Variants in IFNAR2 observed in about 807,000 individuals in gnomAD.
IFNAR2 encodes the protein interferon alpha/beta receptor 2.
Under a neutral mutation model 49.4 loss-of-function variants are expected in IFNAR2, and 30 were observed. The observed-to-expected ratio is 0.61, with a 90% CI of 0.45 to 0.82. The LOEUF (loss-of-function observed/expected upper bound fraction) is 0.82. Ranked by LOEUF, IFNAR2 falls within the 40% of genes least tolerant of loss-of-function variation. The pLI, the probability that IFNAR2 is intolerant of heterozygous loss-of-function variation, is 0.00. For missense variants in IFNAR2, 600 were observed against 622.7 expected, an observed-to-expected ratio of 0.96 and a Z score of 0.39; for synonymous variants, 224 against 234.5, an observed-to-expected ratio of 0.96 and a Z score of 0.41.
Position 33,230,212 on chromosome 21 carries a change from C to T in IFNAR2, c.-88C>T, listed in dbSNP as rs1306310985. On this transcript the variant is annotated 5_prime_UTR_variant, in exon 1 of 9. Transcript: ENST00000342136. The surrounding 1 kb of genome is among the most constrained non-coding windows in gnomAD (Gnocchi z 5.5). ...CTCGGGAGCCGCAAGGCGAGAGCTGCAAAGGTAACGCAGCGTGGCGGGGTC... is the reference window on the plus strand; with the variant it reads ...CTCGGGAGCCGCAAGGCGAGAGCTGTAAAGGTAACGCAGCGTGGCGGGGTC... 9.4e-7 allele frequency: 1 copy of T among 1,066,358 alleles called. No individual in the cohort carries two copies. Among genetic ancestry groups the T allele is most frequent in the Non-Finnish European group, 1.1e-6 (1 of 875,640 alleles). The allele number at this position is 1,066,358 out of a possible 1,614,324, so 66.1% of individuals were successfully genotyped here.
At position 33,242,728 on chromosome 21, in the gene IFNAR2, CAAAA is replaced by C. The variant is rs1182507309; in HGVS notation, c.55+768_55+771del. The stretch of plus-strand genomic sequence containing the variant: ...AGCCTGACAGAGCAAGACTCTGTCT[CAAAA>C]AAAAAAAAAAAAAAAATCTCGTGTG... On this transcript the variant is annotated intron_variant, in intron 2 of 8. Coordinates refer to ENST00000342136, the MANE Select transcript of IFNAR2 (RefSeq NM_001289125.3). Among the ~76,000 whole-genome samples the C allele has an allele frequency of 8.2e-4, 40 of 48,586 alleles. 6 individuals are homozygous for C. The East Asian group carries it at 0.016, about 20-fold the overall frequency. 31.9% of individuals were successfully genotyped at this position (48,586 alleles called of 152,430 possible). A position where few individuals can be genotyped will look rare whatever the true frequency, so the allele number is the denominator to read the frequency against.
At chr21:33,251,899 A>G (rs1299663616) in intron 6 of IFNAR2, 2 of 294,984 alleles carry the variant, frequency 6.8e-6, no homozygotes, top group Admixed American at 6.5e-5. Flanking sequence ...CGTGGCCAAC[A>G]TGGTGAAACC....
intron 7 of IFNAR2, among the ~76,000 whole-genome samples, chr21:33,255,404 T>A (rs1406715487): frequency 1.3e-5 from 2 of 152,226 alleles, no homozygotes; most frequent in African/African-American, 4.8e-5. Flanking sequence ...CTGACTTGGC[T>A]ACAAATTCAG....
At chr21:33,253,730 G>A (rs1988024454) in intron 7 of IFNAR2, among the ~76,000 whole-genome samples, 1 of 152,162 alleles carries the variant, frequency 6.6e-6, no homozygotes, top group Non-Finnish European at 1.5e-5. Flanking sequence ...AACAAGGGGT[G>A]GATTATTCAT....
chr21:33,248,955 C>T (rs1472567831), intron 6 of IFNAR2, 101 bp downstream of exon 6: 8 of 857,348 alleles, frequency 9.3e-6, no homozygotes, highest in Non-Finnish European at 1.5e-5. Flanking sequence ...ACAATTAAAG[C>T]TAAAACGTCA....
intron 7 of IFNAR2, 42 bp downstream of exon 7, chr21:33,252,872 T>A (rs371308431): frequency 2.7e-6 from 4 of 1,455,064 alleles, no homozygotes; most frequent in Non-Finnish European, 3.9e-6. Flanking sequence ...GTATTCATGC[T>A]TTTACTCTGA....
chr21:33,247,540 A>G (rs931634220), intron 5 of IFNAR2, among the ~76,000 whole-genome samples: 1 of 151,916 alleles, frequency 6.6e-6, no homozygotes, highest in African/African-American at 2.4e-5. Context: ...ATGAGCCACC[A>G]CACCTGGCCC....
chr21:33,231,146 G>A (rs1288919025), intron 1 of IFNAR2, among the ~76,000 whole-genome samples: 2 of 152,110 alleles, frequency 1.3e-5, no homozygotes, highest in Non-Finnish European at 2.9e-5. Context: ...CACTGGCCCA[G>A]GGGCTAAGTC....
Position 33,241,884 on chromosome 21 carries a change from A to G in IFNAR2, c.-39A>G, listed in dbSNP as rs1327379077. On this transcript the variant is annotated 5_prime_UTR_variant, in exon 2 of 9. Coordinates refer to ENST00000342136, the MANE Select transcript of IFNAR2 (RefSeq NM_001289125.3). Reference sequence around the variant, plus strand: ...ATTTTGATCACCTAATGTTGATTTCAGATGTAAAAGTCAAGAGAAGACTCT... The same window carrying G: ...ATTTTGATCACCTAATGTTGATTTCGGATGTAAAAGTCAAGAGAAGACTCT... 2 of 1,607,808 alleles carry G rather than the reference A, an allele frequency of 1.2e-6. No individual in the cohort carries two copies. The highest frequency in any genetic ancestry group is 1.7e-6 in the Non-Finnish European group (2 of 1,175,566).
chr21:33,238,152 T>C (rs1021779526), intron 1 of IFNAR2, among the ~76,000 whole-genome samples: 1 of 152,212 alleles, frequency 6.6e-6, no homozygotes, highest in African/African-American at 2.4e-5. Flanking sequence ...ACCTTGGCGT[T>C]GTCAGTCCTC....
chr21:33,229,954 G>A lies in IFNAR2; in HGVS notation c.-346G>A, dbSNP rs904423756. On this transcript the variant is annotated 5_prime_UTR_variant, in exon 1 of 9. Coordinates refer to ENST00000342136, the MANE Select transcript of IFNAR2 (RefSeq NM_001289125.3). ...CGCGCTTCCGTATCGCTCCTCGTAG[G>A]CCGGGGCTCGGCGCGCGCACCCGCA... 1.0e-6 allele frequency: 1 copy of A among 983,756 alleles called. No individual in the cohort carries two copies. The highest frequency in any genetic ancestry group is 1.2e-6 in the Non-Finnish European group (1 of 829,446). The allele number at this position is 983,756 out of a possible 1,614,324, so 60.9% of individuals were successfully genotyped here. A position where few individuals can be genotyped will look rare whatever the true frequency, so the allele number is the denominator to read the frequency against.
chr21:33,251,348 T>A (rs1732293701), intron 6 of IFNAR2, among the ~76,000 whole-genome samples: 1 of 152,222 alleles, frequency 6.6e-6, no homozygotes, highest in African/African-American at 2.4e-5. Context: ...TGAAGAGGAC[T>A]GACTATTGGA....
At chr21:33,238,124 GCAA>G (rs1467387292) in intron 1 of IFNAR2, among the ~76,000 whole-genome samples, 1 of 152,132 alleles carries the variant, frequency 6.6e-6, no homozygotes, top group African/African-American at 2.4e-5. Context: ...ACCGAAAAAT[GCAA>G]GTTAGCTCCC....
At chr21:33,238,412 G>T (rs749664337) in intron 1 of IFNAR2, among the ~76,000 whole-genome samples, 5 of 151,966 alleles carry the variant, frequency 3.3e-5, no homozygotes, top group Non-Finnish European at 7.4e-5. Flanking sequence ...TTTTTATTTT[G>T]ATGATATTTC....
At chr21:33,243,042 C>G (rs1396712547) in intron 2 of IFNAR2, among the ~76,000 whole-genome samples, 4 of 151,572 alleles carry the variant, frequency 2.6e-5, no homozygotes, top group Non-Finnish European at 5.9e-5. Flanking sequence ...ACCGCCTTGG[C>G]CTCCCAGAAT....
intron 1 of IFNAR2, among the ~76,000 whole-genome samples, chr21:33,239,811 T>C (rs1172015882): frequency 1.4e-5 from 2 of 143,234 alleles, no homozygotes; most frequent in African/African-American, 2.6e-5. Context: ...TATTCTCCCT[T>C]CTGCAGGCCC....
chr21:33,241,735 C>G, intron 1 of IFNAR2, 105 bp from the exon 2 acceptor site: 1 of 736,338 alleles, frequency 1.4e-6, no homozygotes, highest in South Asian at 2.7e-5. Flanking sequence ...GGCCCAGAAG[C>G]TGAGACCAGG....
At chr21:33,252,234 A>C in intron 6 of IFNAR2, 1 of 466,150 alleles carries the variant, frequency 2.1e-6, no homozygotes, top group Non-Finnish European at 4.4e-6. Flanking sequence ...CAGTTTTCTC[A>C]TCCGTTGAAT....
At chr21:33,244,909 G>T (rs753394227) in intron 3 of IFNAR2, 42 bp from the exon 4 acceptor site, 2 of 1,606,416 alleles carry the variant, frequency 1.2e-6, no homozygotes, top group Non-Finnish European at 1.7e-6. Context: ...GAATACAACT[G>T]TGGGTTCCAA....
Sources: allele counts gnomAD v4.1 joint callset (sites outside exome capture counted in the v4.1 genomes callset), GRCh38; gene constraint gnomAD v4.1.1; non-coding constraint Gnocchi (gnomAD v3.1); transcripts MANE v1.5; gene names NCBI Gene and HGNC (gene_info 2026-07-23, HGNC 2026-07-21).